SLC4A4: variants seen among roughly 807,000 people sequenced by gnomAD.
SLC4A4 encodes solute carrier family 4 member 4, also known as electrogenic sodium bicarbonate cotransporter 1.
Under a neutral mutation model 111.5 loss-of-function variants are expected in SLC4A4, and 27 were observed. The ratio of observed to expected loss-of-function variants is 0.24; its 90% confidence interval spans 0.18 to 0.33. SLC4A4 has a LOEUF of 0.33. SLC4A4 is among the 10% of genes least tolerant of loss of function. The pLI, the probability that SLC4A4 is intolerant of heterozygous loss-of-function variation, is 1.00. For missense variants in SLC4A4, 909 were observed against 1,315.5 expected, an observed-to-expected ratio of 0.69 and a Z score of 4.78; for synonymous variants, 443 against 463.4, an observed-to-expected ratio of 0.96 and a Z score of 0.57.
chr4:71,242,283 G>A (rs2149044543), intron 2 of SLC4A4, among the ~76,000 whole-genome samples: 1 of 152,304 alleles, frequency 6.6e-6, no homozygotes, highest in East Asian at 1.9e-4. Context: ...TTTGCCTATA[G>A]ATTGAGCTTC....
At position 71,135,262 on chromosome 4, in the gene SLC4A4, C is replaced by T. The variant is rs190656235; in HGVS notation, c.-2+42470C>T. 7.5e-3 allele frequency among the ~76,000 whole-genome samples: 1,125 copies of T among 150,404 alleles called. 10 individuals are homozygous for T. The highest frequency in any genetic ancestry group is 0.014 in the South Asian group (67 of 4,752). ...GCTAATTAACATATGTATTACCTCA[C>T]ATACTAATTTTTGTGGTAAGAACAC... is the stretch of plus-strand genomic sequence containing the variant. On this transcript the variant is annotated intron_variant, in intron 2 of 26. Transcript: ENST00000649996.
chr4:71,384,576 C>T (rs1048433210), intron 6 of SLC4A4, among the ~76,000 whole-genome samples: 37 of 145,708 alleles, frequency 2.5e-4, no homozygotes, highest in African/African-American at 9.2e-4. Flanking sequence ...CAGGAGGTTG[C>T]AGTGAGGCCA....
At chr4:71,510,396 T>C (rs35245074) in intron 16 of SLC4A4, among the ~76,000 whole-genome samples, 12,152 of 152,210 alleles carry the variant, frequency 0.08, 715 homozygotes, top group Non-Finnish European at 0.13. Context: ...TTTTGTGGAG[T>C]GGATGAGTGC....
At chr4:71,463,797 A>G (rs1727063617) in intron 12 of SLC4A4, among the ~76,000 whole-genome samples, 1 of 152,176 alleles carries the variant, frequency 6.6e-6, no homozygotes, top group Non-Finnish European at 1.5e-5. Flanking sequence ...GATGGTGGAT[A>G]GCATGATGAG....
chr4:71,078,729 G>A (rs868722093), intron 1 of SLC4A4, among the ~76,000 whole-genome samples: 28 of 152,248 alleles, frequency 1.8e-4, no homozygotes, highest in Middle Eastern at 3.4e-3. Context: ...GTCGTAAAAC[G>A]ATAAGGAGAT....
intron 9 of SLC4A4, among the ~76,000 whole-genome samples, chr4:71,449,359 G>T (rs1725550594): frequency 6.6e-6 from 1 of 152,026 alleles, no homozygotes; most frequent in Non-Finnish European, 1.5e-5. Context: ...AGTTGGAATT[G>T]TTCATCTTTA....
rs139533835 is a variant in SLC4A4, at chr4:71,562,847, C to T, written c.3100-946C>T. Among the ~76,000 whole-genome samples the T allele has an allele frequency of 9.5e-3, 1,438 of 151,154 alleles. 8 individuals carry two copies. Among genetic ancestry groups the T allele is most frequent in the Middle Eastern group, 0.017 (5 of 292 alleles). ...AGTTCTCTAAAAGGATACTGTTGTT[C>T]ATTAACCTCTTTAGAGTCATAAATA... On this transcript the variant is annotated intron_variant, in intron 23 of 25. Coordinates refer to ENST00000264485, the MANE Select transcript of SLC4A4 (RefSeq NM_001098484.3).
intron 3 of SLC4A4, among the ~76,000 whole-genome samples, chr4:71,263,109 C>T (rs780488382): frequency 4.7e-5 from 7 of 148,938 alleles, no homozygotes; most frequent in Non-Finnish European, 7.4e-5. Flanking sequence ...TGAGAACATG[C>T]GGTGCAAACA....
intron 5 of SLC4A4, among the ~76,000 whole-genome samples, chr4:71,355,308 T>C (rs1400994922): frequency 6.6e-6 from 1 of 152,164 alleles, no homozygotes. Context: ...TGTTTGTTTG[T>C]TTTTCTGGTT....
At chr4:71,355,316 G>T (rs1396414903) in intron 5 of SLC4A4, among the ~76,000 whole-genome samples, 1 of 152,186 alleles carries the variant, frequency 6.6e-6, no homozygotes, top group East Asian at 1.9e-4. Flanking sequence ...TGTTTTTCTG[G>T]TTCTTCTGTA....
At position 71,570,171 on chromosome 4, in the gene SLC4A4, A is replaced by G. The variant is rs1737833133; in HGVS notation, c.*2420A>G. On this transcript the variant is annotated 3_prime_UTR_variant, in exon 26 of 26. Transcript: ENST00000264485. ...AACTTTCTTTTCTGATCATGAATCAAGTATCTGTGGTTTCATGCCCCTCTC... is the reference window on the plus strand; with the variant it reads ...AACTTTCTTTTCTGATCATGAATCAGGTATCTGTGGTTTCATGCCCCTCTC... The G allele has an allele frequency of 6.7e-6, 1 of 148,902 alleles. No individual in the cohort carries two copies. The highest frequency in any genetic ancestry group is 2.1e-4 in the South Asian group (1 of 4,754). The allele number at this position is 148,902 out of a possible 1,614,324, so 9.2% of individuals were successfully genotyped here. A position where few individuals can be genotyped will look rare whatever the true frequency, so the allele number is the denominator to read the frequency against.
In SLC4A4 at chr4:71,335,063, C is replaced by T. The variant is rs938334530; in HGVS notation, c.254-4307C>T. Among the ~76,000 whole-genome samples the T allele has an allele frequency of 2.6e-5, 4 of 152,030 alleles. 1 individual carries two copies. Among genetic ancestry groups the T allele is most frequent in the South Asian group, 4.2e-4 (2 of 4,806 alleles). On this transcript the variant is annotated intron_variant, in intron 3 of 25. Coordinates refer to ENST00000264485, the MANE Select transcript of SLC4A4 (RefSeq NM_001098484.3). ...AGAAGGGAACAGACACAGGGGCCTA[C>T]GTGAAGTGGAGGGAGGGAGGAAGGT... is the stretch of plus-strand genomic sequence containing the variant.
chr4:71,338,012 T>A (rs1055397845), intron 3 of SLC4A4, among the ~76,000 whole-genome samples: 1 of 151,934 alleles, frequency 6.6e-6, no homozygotes, highest in African/African-American at 2.4e-5. Context: ...TGTATTTTTT[T>A]AGTAGAAACA....
At chr4:71,265,189 G>C (rs371457539) in intron 3 of SLC4A4, among the ~76,000 whole-genome samples, 195 of 152,220 alleles carry the variant, frequency 1.3e-3, no homozygotes, top group African/African-American at 4.5e-3. Context: ...TTTGTGTATA[G>C]GAAGAAGTGG....
intron 14 of SLC4A4, among the ~76,000 whole-genome samples, chr4:71,477,977 T>C (rs1479428664): frequency 6.6e-6 from 1 of 151,932 alleles, no homozygotes; most frequent in Admixed American, 6.6e-5. Context: ...CAGACACTTC[T>C]TGAAAGAAAT....
At chr4:71,157,379 A>G (rs935818446) in intron 2 of SLC4A4, among the ~76,000 whole-genome samples, 1 of 152,178 alleles carries the variant, frequency 6.6e-6, no homozygotes, top group African/African-American at 2.4e-5. Flanking sequence ...ATGTGCTTGT[A>G]ATAAGATCAA....
chr4:71,258,585 A>G (rs1323520004), intron 3 of SLC4A4, among the ~76,000 whole-genome samples: 1 of 152,198 alleles, frequency 6.6e-6, no homozygotes, highest in African/African-American at 2.4e-5. Context: ...ATTGAGGAGT[A>G]ACTGAATGAA....
At chr4:71,263,091 C>T (rs1440762086) in intron 3 of SLC4A4, among the ~76,000 whole-genome samples, 2 of 148,804 alleles carry the variant, frequency 1.3e-5, no homozygotes, top group South Asian at 4.4e-4. Context: ...TCAATTCCCA[C>T]CTATGAGTGA....
chr4:71,091,066 G>A (rs748785363), intron 1 of SLC4A4, among the ~76,000 whole-genome samples: 1 of 151,966 alleles, frequency 6.6e-6, no homozygotes, highest in Non-Finnish European at 1.5e-5. Context: ...TCCTGCCTCA[G>A]CCTCCTGAGT....
Sources: allele counts gnomAD v4.1 joint callset (sites outside exome capture counted in the v4.1 genomes callset), GRCh38; gene constraint gnomAD v4.1.1; transcripts MANE v1.5; gene names NCBI Gene and HGNC (gene_info 2026-07-23, HGNC 2026-07-21).